Variants in ZNF667 observed in about 807,000 individuals in gnomAD.
ZNF667 encodes myocardial ischemic preconditioning upregulated 1 ortholog.
In ZNF667, 13 loss-of-function variants were observed where a neutral mutation model predicts 31.8. The ratio of observed to expected loss-of-function variants is 0.41; its 90% confidence interval spans 0.27 to 0.65. ZNF667 has a LOEUF of 0.65. Among genes scored for constraint, ZNF667 ranks in the 30% least tolerant of loss-of-function variants. The pLI is 0.32. For missense variants in ZNF667, 642 were observed against 725.6 expected (o/e 0.88, Z 1.32); for synonymous variants, 228 against 247.1 (o/e 0.92, Z 0.73).
At chr19:56,461,432 AG>A (rs1233796062) in intron 4 of ZNF667, among the ~76,000 whole-genome samples, 2 of 152,164 alleles carry the variant, frequency 1.3e-5, no homozygotes, top group Non-Finnish European at 2.9e-5. Flanking sequence ...ATGAAAAATG[AG>A]GGTCAGGTGG....
At chr19:56,460,892 T>C in intron 4 of ZNF667, 77 bp from the exon 5 acceptor site, 1 of 1,413,830 alleles carries the variant, frequency 7.1e-7, no homozygotes, top group Non-Finnish European at 9.4e-7. Context: ...GCACACATCT[T>C]AAACATGGGA....
intron 6 of ZNF667, among the ~76,000 whole-genome samples, chr19:56,452,775 C>A (rs928284571): frequency 2.6e-5 from 4 of 151,946 alleles, no homozygotes; most frequent in Admixed American, 6.6e-5. Flanking sequence ...CAAAAATTAG[C>A]CAGGCGTGGT....
At chr19:56,458,732 G>A (rs1195400719) in intron 5 of ZNF667, among the ~76,000 whole-genome samples, 1 of 152,276 alleles carries the variant, frequency 6.6e-6, no homozygotes, top group East Asian at 1.9e-4. Context: ...CTGACCACGT[G>A]GAAGGTGGTG....
chr19:56,454,733 A>G (rs1372638738), intron 6 of ZNF667, among the ~76,000 whole-genome samples: 2 of 105,088 alleles, frequency 1.9e-5, no homozygotes, highest in East Asian at 4.3e-4. Flanking sequence ...AAAACAAAAC[A>G]CGGGCAAAAG....
chr19:56,462,876 A>T (rs1395598289), intron 3 of ZNF667, among the ~76,000 whole-genome samples: 2 of 152,178 alleles, frequency 1.3e-5, no homozygotes, highest in East Asian at 3.9e-4. Flanking sequence ...AGGCCAGGGC[A>T]GGGGTTAGAG....
intron 5 of ZNF667, among the ~76,000 whole-genome samples, chr19:56,460,074 A>G (rs757368590): frequency 2.6e-5 from 4 of 152,222 alleles, no homozygotes; most frequent in Non-Finnish European, 4.4e-5. Context: ...CCCTAGGTAT[A>G]TGCCCCAGAG....
Position 56,460,774 on chromosome 19 carries a change from C to T in ZNF667, c.75G>A (p.Gln25=). 1 of 1,611,376 alleles carries T rather than the reference C, an allele frequency of 6.2e-7. No homozygotes were observed. Among genetic ancestry groups the T allele is most frequent in the Non-Finnish European group, 8.5e-7 (1 of 1,179,036 alleles). The change falls in exon 5 of 7, where the codon CAG becomes CAA. Residue 25 remains glutamine (Q), a synonymous_variant. Transcript: ENST00000504904. ...TGGGGCTCAGCCATTCCCACTCCTC[C>T]TGGGAGAAGTAGATGGCTAAGTCCC... is the stretch of plus-strand genomic sequence containing the variant. The part of the protein sequence containing the change: ...TFGDLAIYFS[Q]EEWEWLSPIQ...
intron 6 of ZNF667, among the ~76,000 whole-genome samples, chr19:56,453,266 C>A (rs2042870870): frequency 6.6e-6 from 1 of 152,150 alleles, no homozygotes; most frequent in Non-Finnish European, 1.5e-5. Context: ...GACCTGACAG[C>A]TTCACTGCTG....
chr19:56,469,688 G>T (rs374942558), intron 3 of ZNF667, among the ~76,000 whole-genome samples: 12 of 152,240 alleles, frequency 7.9e-5, no homozygotes, highest in Non-Finnish European at 1.6e-4. Context: ...GGCTGGTTCA[G>T]ATATTTTTTT....
intron 6 of ZNF667, among the ~76,000 whole-genome samples, chr19:56,454,057 A>G (rs1331804522): frequency 6.6e-6 from 1 of 152,178 alleles, no homozygotes; most frequent in Non-Finnish European, 1.5e-5. Context: ...GAGCAATCTG[A>G]AAAAGAAATC....
intron 3 of ZNF667, among the ~76,000 whole-genome samples, chr19:56,470,752 G>A (rs182959491): frequency 1.1e-4 from 16 of 152,268 alleles, no homozygotes; most frequent in East Asian, 3.9e-4. Context: ...GCTCGGTGAC[G>A]AACTGAGCAG....
In ZNF667 at chr19:56,462,406, G is replaced by A. The variant is rs2147787262; in HGVS notation, c.-36C>T. On this transcript the variant is annotated 5_prime_UTR_variant, in exon 4 of 7. Transcript: ENST00000504904. ...CCCTTTAGGGTCCACACTGAGAGAT[G>A]GGCAGAGAGCTGGTAAGGCAGGGCT... 6.2e-7 allele frequency: 1 copy of A among 1,613,854 alleles called. No individual in the cohort carries two copies. Among genetic ancestry groups the A allele is most frequent in the Non-Finnish European group, 8.5e-7 (1 of 1,179,762 alleles).
chr19:56,467,148 C>A, intron 3 of ZNF667: 1 of 429,382 alleles, frequency 2.3e-6, no homozygotes, highest in South Asian at 1.7e-5. Context: ...GCCATGCCGG[C>A]CACATCATGC....
At position 56,458,237 on chromosome 19, in the gene ZNF667, A is replaced by T; in HGVS notation, c.171T>A (p.Phe57Leu). 1 of 1,613,984 alleles carries T rather than the reference A, an allele frequency of 6.2e-7. No homozygotes were observed. ...YRNLVSLGLS[F>L]RRPNVITLLE... ...ATAAGGTGATCACATTTGGTCTCCG[A>T]AAGGAAAGACCTGTACGTGGGACAA... The change falls in exon 6 of 7, where the codon TTT (phenylalanine) becomes TTA (leucine). Residue 57 changes from phenylalanine to leucine, a missense_variant. Coordinates refer to ENST00000504904, the MANE Select transcript of ZNF667 (RefSeq NM_001321356.2).
chr19:56,451,224 TACAA>T (rs957748162), intron 6 of ZNF667, among the ~76,000 whole-genome samples: 8 of 152,086 alleles, frequency 5.3e-5, no homozygotes, highest in Non-Finnish European at 1.0e-4. Flanking sequence ...TATGGAAAGA[TACAA>T]AGAAAGTCAT....
intron 6 of ZNF667, among the ~76,000 whole-genome samples, chr19:56,446,526 T>TG (rs2042713813): frequency 6.6e-6 from 1 of 152,208 alleles, no homozygotes; most frequent in Non-Finnish European, 1.5e-5. Context: ...CTCCAGCCCC[T>TG]GCTGGGTATG....
At chr19:56,476,815 G>C (rs2043419683) in intron 1 of ZNF667, 1 of 152,856 alleles carries the variant, frequency 6.5e-6, no homozygotes, top group East Asian at 1.9e-4. Flanking sequence ...AAGTCACACA[G>C]TAACCCAAGG....
At chr19:56,464,917 C>T (rs973080214) in intron 3 of ZNF667, among the ~76,000 whole-genome samples, 5 of 152,228 alleles carry the variant, frequency 3.3e-5, no homozygotes, top group Non-Finnish European at 7.3e-5. Context: ...TTCCCTGGCC[C>T]TCCACATTTG....
intron 5 of ZNF667, among the ~76,000 whole-genome samples, chr19:56,460,361 G>T (rs901910522): frequency 6.6e-6 from 1 of 152,198 alleles, no homozygotes; most frequent in Non-Finnish European, 1.5e-5. Context: ...CAACCAGAGA[G>T]ATAGAAAGTG....
Sources: gnomAD v4.1 joint callset for allele counts (sites outside exome capture counted in the v4.1 genomes callset) on GRCh38, gnomAD v4.1.1 for gene constraint, MANE v1.5 for transcripts, NCBI Gene and HGNC (gene_info 2026-07-23, HGNC 2026-07-21) for gene names.